SPIDR: variants seen among roughly 807,000 people sequenced by gnomAD.
The protein encoded by SPIDR is scaffold protein involved in DNA repair.
A neutral mutation model predicts 104.6 loss-of-function variants in SPIDR; 93 were observed. That is an observed-to-expected ratio of 0.89 (90% CI 0.75 to 1.06). The LOEUF (loss-of-function observed/expected upper bound fraction) is 1.06, where lower values mean the gene tolerates loss of function less well. Among genes scored for constraint, SPIDR ranks in the 50% least tolerant of loss-of-function variants. The pLI, the probability that SPIDR is intolerant of heterozygous loss-of-function variation, is 0.00. For missense variants in SPIDR, 1,154 were observed against 1,111.2 expected (o/e 1.04, Z -0.55); for synonymous variants, 431 against 416.9 (o/e 1.03, Z -0.41).
intron 7 of SPIDR, among the ~76,000 whole-genome samples, chr8:47,419,784 C>T (rs1323403210): frequency 2.6e-5 from 4 of 152,050 alleles, no homozygotes; most frequent in Non-Finnish European, 5.9e-5. Flanking sequence ...CTACACACTG[C>T]TTTGAATATG....
rs1363442147 is a variant in SPIDR, at chr8:47,493,038, A to AGTGTGTGTGTGT, written c.1097+52499_1097+52500insTGTGTGTGTGTG. On this transcript the variant is annotated intron_variant, in intron 8 of 19. Transcript: ENST00000297423. ...ATTGGAGAGAGAGAGAGAGAGAGAG[A>AGTGTGTGTGTGT]GTGAGTGTGTGTGTGTGTGTGTGTG... Among the ~76,000 whole-genome samples, 185 of 64,818 alleles carry AGTGTGTGTGTGT rather than the reference A, an allele frequency of 2.9e-3. 1 individual carries two copies. The highest frequency in any genetic ancestry group is 0.023 in the Admixed American group (142 of 6,090). The allele number at this position is 64,818 out of a possible 152,430, so 42.5% of individuals were successfully genotyped here.
intron 7 of SPIDR, among the ~76,000 whole-genome samples, chr8:47,423,900 A>G: frequency 6.6e-6 from 1 of 152,238 alleles, no homozygotes; most frequent in East Asian, 1.9e-4. Context: ...AACAGTTTCC[A>G]ACATTGCTTT....
chr8:47,349,272 A>C (rs2052903758), intron 5 of SPIDR, among the ~76,000 whole-genome samples: 1 of 152,228 alleles, frequency 6.6e-6, no homozygotes, highest in Admixed American at 6.5e-5. Flanking sequence ...GGGGATCACC[A>C]GTGGAGGCTG....
At chr8:47,680,883 A>T (rs2077012217) in intron 11 of SPIDR, among the ~76,000 whole-genome samples, 1 of 152,218 alleles carries the variant, frequency 6.6e-6, no homozygotes, top group Non-Finnish European at 1.5e-5. Context: ...CGAGAGGCAG[A>T]TCACCTGAGG....
At chr8:47,592,932 G>A (rs1008226861) in intron 8 of SPIDR, among the ~76,000 whole-genome samples, 1 of 152,036 alleles carries the variant, frequency 6.6e-6, no homozygotes, top group Non-Finnish European at 1.5e-5. Flanking sequence ...TGTTGCCCGG[G>A]TTGGAGTGCA....
intron 8 of SPIDR, among the ~76,000 whole-genome samples, chr8:47,534,313 C>T (rs879943871): frequency 2.6e-5 from 4 of 152,190 alleles, no homozygotes; most frequent in Admixed American, 1.3e-4. Flanking sequence ...ATCATTATAC[C>T]ATAAAGACAC....
chr8:47,367,099 G>A (rs970287245), intron 5 of SPIDR, among the ~76,000 whole-genome samples: 4 of 152,164 alleles, frequency 2.6e-5, no homozygotes, highest in Non-Finnish European at 4.4e-5. Flanking sequence ...TGACCCATTT[G>A]CCAGAGCCCT....
chr8:47,686,220 T>C (rs1206878397), intron 11 of SPIDR, among the ~76,000 whole-genome samples: 1 of 152,206 alleles, frequency 6.6e-6, no homozygotes, highest in Admixed American at 6.5e-5. Flanking sequence ...TAGTTCTTCT[T>C]TCTTCCTCTC....
chr8:47,360,018 G>A (rs1342160590), intron 5 of SPIDR, among the ~76,000 whole-genome samples: 7 of 151,960 alleles, frequency 4.6e-5, no homozygotes, highest in African/African-American at 1.2e-4. Flanking sequence ...CGAGGCGGGC[G>A]GATCACAAGG....
chr8:47,379,219 G>A (rs1445296532), intron 5 of SPIDR, among the ~76,000 whole-genome samples: 3 of 152,108 alleles, frequency 2.0e-5, no homozygotes, highest in Non-Finnish European at 4.4e-5. Context: ...CCTGTGGGCT[G>A]TCATGAGATT....
intron 10 of SPIDR, chr8:47,660,938 G>C: frequency 1.0e-6 from 1 of 985,400 alleles, no homozygotes; most frequent in Non-Finnish European, 1.2e-6. Flanking sequence ...CCAAGATTTT[G>C]AGCACAGAAG....
At chr8:47,392,557 A>G (rs2060727123) in intron 5 of SPIDR, among the ~76,000 whole-genome samples, 1 of 152,252 alleles carries the variant, frequency 6.6e-6, no homozygotes, top group African/African-American at 2.4e-5. Context: ...AGGAAGCAAT[A>G]GCTTAAGCCA....
intron 8 of SPIDR, among the ~76,000 whole-genome samples, chr8:47,530,328 C>G (rs1196358415): frequency 6.6e-6 from 1 of 152,094 alleles, no homozygotes; most frequent in Non-Finnish European, 1.5e-5. Flanking sequence ...CCTGTAATCC[C>G]AGCTACTCGG....
At chr8:47,379,550 A>G (rs2059078140) in intron 5 of SPIDR, among the ~76,000 whole-genome samples, 1 of 152,184 alleles carries the variant, frequency 6.6e-6, no homozygotes, top group Admixed American at 6.5e-5. Context: ...TTCACTTGCA[A>G]GAGCTTTTCA....
chr8:47,495,275 C>A (rs1388433944), intron 8 of SPIDR, among the ~76,000 whole-genome samples: 1 of 151,730 alleles, frequency 6.6e-6, no homozygotes, highest in Non-Finnish European at 1.5e-5. Context: ...GGACTGTGGG[C>A]ACATTGGGAA....
At chr8:47,682,271 A>AG (rs2077192420) in intron 11 of SPIDR, among the ~76,000 whole-genome samples, 2 of 150,996 alleles carry the variant, frequency 1.3e-5, no homozygotes, top group East Asian at 3.9e-4. Context: ...AAAAAAAAAA[A>AG]AAAACCCAGA....
At chr8:47,391,792 C>T (rs569561666) in intron 5 of SPIDR, among the ~76,000 whole-genome samples, 16 of 151,760 alleles carry the variant, frequency 1.1e-4, no homozygotes, top group Non-Finnish European at 1.3e-4. Flanking sequence ...GTCAGGAGAT[C>T]GAGACCATCC....
intron 5 of SPIDR, among the ~76,000 whole-genome samples, chr8:47,321,782 A>G (rs1554595899): frequency 6.6e-6 from 1 of 152,226 alleles, no homozygotes; most frequent in African/African-American, 2.4e-5. Context: ...GCCCTCAGAA[A>G]TAATGCCACA....
At chr8:47,658,703 G>A (rs981091259) in intron 10 of SPIDR, among the ~76,000 whole-genome samples, 1 of 151,906 alleles carries the variant, frequency 6.6e-6, no homozygotes, top group African/African-American at 2.4e-5. Context: ...GGGAGGTCGA[G>A]GCCAGTGGAT....
Sources: gnomAD v4.1 joint callset for allele counts (sites outside exome capture counted in the v4.1 genomes callset) on GRCh38, gnomAD v4.1.1 for gene constraint, MANE v1.5 for transcripts, NCBI Gene and HGNC (gene_info 2026-07-23, HGNC 2026-07-21) for gene names.